ATG7: variants seen among roughly 807,000 people sequenced by gnomAD.
ATG7 encodes autophagy related 7.
In ATG7, 70 loss-of-function variants were observed where a neutral mutation model predicts 82.4. The observed-to-expected ratio is 0.85, with a 90% CI of 0.70 to 1.04. The LOEUF (loss-of-function observed/expected upper bound fraction) is 1.04, where lower values mean the gene tolerates loss of function less well. Ranked by LOEUF, ATG7 falls within the 50% of genes least tolerant of loss-of-function variation. ATG7 has a pLI of 0.00. For synonymous variants in ATG7, 287 were observed against 313.0 expected, an observed-to-expected ratio of 0.92 and a Z score of 0.88; for missense variants, 792 against 864.3, an observed-to-expected ratio of 0.92 and a Z score of 1.05.
Position 11,502,213 on chromosome 3 carries a change from A to T in ATG7, c.2080-52598A>T, listed in dbSNP as rs536900317. Among the ~76,000 whole-genome samples the T allele has an allele frequency of 2.3e-3, 352 of 150,400 alleles. 1 individual carries two copies. The highest frequency in any genetic ancestry group is 8.2e-3 in the African/African-American group (335 of 40,880). On this transcript the variant is annotated intron_variant, in intron 20 of 20. Transcript: ENST00000693202. The stretch of plus-strand genomic sequence containing the variant: ...AGAACGTTAAATTCTTTTTTTTTTT[A>T]ATTTTAATTTATTTTTTATTATTAT...
rs911578572 is a variant in ATG7 at position 11,358,442 on chromosome 3, A to T, written c.1309A>T (p.Ile437Leu). The T allele has an allele frequency of 1.9e-6, 3 of 1,613,344 alleles. No homozygotes were observed. The change falls in exon 15 of 21, where the codon ATA becomes TTA. Residue 437 changes from isoleucine (I) to leucine (L), a missense_variant. Physicochemically the swap from Ile to Leu is conservative, Grantham distance 5 (BLOSUM62 2). Transcript: ENST00000693202. Reference sequence around the variant, plus strand: ...GAATGCCAGAGGATTCAACATGAGCATACCTATGCCTGGGCATCCAGTGAA... The same window carrying T: ...GAATGCCAGAGGATTCAACATGAGCTTACCTATGCCTGGGCATCCAGTGAA... Reference protein sequence around the residue: ...GVNARGFNMSIPMPGHPVNFS... With the variant: ...GVNARGFNMSLPMPGHPVNFS...
chr3:11,472,365 G>A (rs1052006382), intron 20 of ATG7, among the ~76,000 whole-genome samples: 1 of 152,110 alleles, frequency 6.6e-6, no homozygotes, highest in Non-Finnish European at 1.5e-5. Context: ...GAAGGAGAGC[G>A]TTGTTCCCAA....
At chr3:11,524,796 A>C (rs920885474) in intron 20 of ATG7, among the ~76,000 whole-genome samples, 3 of 151,774 alleles carry the variant, frequency 2.0e-5, no homozygotes, top group African/African-American at 7.3e-5. Context: ...TTTAAAACAA[A>C]AACAAAAACA....
chr3:11,516,194 T>C (rs1011111092), intron 20 of ATG7, among the ~76,000 whole-genome samples: 12 of 151,954 alleles, frequency 7.9e-5, no homozygotes, highest in African/African-American at 2.9e-4. Flanking sequence ...AATAAACACA[T>C]GAAAAGATGT....
At chr3:11,559,836 G>C (rs2072810575), downstream of ATG7, among the ~76,000 whole-genome samples, 1 of 152,164 alleles carries the variant, frequency 6.6e-6, no homozygotes, top group East Asian at 1.9e-4. Flanking sequence ...TTCCCATCAT[G>C]TCCACTGAGC....
chr3:11,551,619 AGGGTCTTGCTCTATTGTC>A (rs2071792211), intron 20 of ATG7, among the ~76,000 whole-genome samples: 1 of 151,932 alleles, frequency 6.6e-6, no homozygotes, highest in Admixed American at 6.6e-5. Flanking sequence ...TTATAGAGAG[AGGGTCTTGCTCTATTGTC>A]CAGGCTGGTC....
At chr3:11,321,191 G>T (rs1950169774) in intron 9 of ATG7, among the ~76,000 whole-genome samples, 1 of 152,218 alleles carries the variant, frequency 6.6e-6, no homozygotes, top group Non-Finnish European at 1.5e-5. Flanking sequence ...CTTGGAGGAA[G>T]ATGAAGGAAA....
chr3:11,426,803 G>C lies in ATG7; in HGVS notation c.1957-1G>C. On this transcript the variant is annotated splice_acceptor_variant, in intron 19 of 20. Coordinates refer to ENST00000693202, the MANE Select transcript of ATG7 (RefSeq NM_001349232.2). LOFTEE classifies it high-confidence loss of function. ...TTTTAAAAAATGTAAATGTTTTACAGGTTCTTGATCAATATGAACGAGAAG... is the reference window on the plus strand; with the variant it reads ...TTTTAAAAAATGTAAATGTTTTACACGTTCTTGATCAATATGAACGAGAAG... 1 of 1,574,902 alleles carries C rather than the reference G, an allele frequency of 6.3e-7. No homozygotes were observed. Among genetic ancestry groups the C allele is most frequent in the Non-Finnish European group, 8.6e-7 (1 of 1,165,340 alleles).
At chr3:11,564,688 ACCTC>A in the ATG7 span, 7 of 1,328,028 alleles carry the variant, frequency 5.3e-6, no homozygotes, top group Non-Finnish European at 7.2e-6. Context: ...CTCCCTCACC[ACCTC>A]CCTCCCTCAC....
At chr3:11,418,222 A>C (rs1420096711) in intron 19 of ATG7, among the ~76,000 whole-genome samples, 2 of 150,220 alleles carry the variant, frequency 1.3e-5, no homozygotes, top group East Asian at 3.9e-4. Context: ...CTCCCACCAT[A>C]GTCTCCCAAG....
chr3:11,563,808 C>T, the ATG7 span, among the ~76,000 whole-genome samples: 2 of 152,198 alleles, frequency 1.3e-5, no homozygotes, highest in African/African-American at 4.8e-5. Context: ...CCATGTCAGG[C>T]TCTGAGGCAA....
intron 18 of ATG7, among the ~76,000 whole-genome samples, chr3:11,370,409 T>C (rs1171284856): frequency 6.6e-6 from 1 of 151,172 alleles, no homozygotes; most frequent in African/African-American, 2.4e-5. Context: ...CATTCTGGTG[T>C]GCTTAGGGTT....
intron 20 of ATG7, among the ~76,000 whole-genome samples, chr3:11,466,415 T>G (rs1211104024): frequency 6.6e-6 from 1 of 152,232 alleles, no homozygotes; most frequent in Non-Finnish European, 1.5e-5. Flanking sequence ...GCATGAATAC[T>G]TGCTTGGCAG....
At chr3:11,569,817 G>T in the ATG7 span, among the ~76,000 whole-genome samples, 2 of 152,168 alleles carry the variant, frequency 1.3e-5, no homozygotes, top group Non-Finnish European at 2.9e-5. Context: ...GGAGGTGGAG[G>T]CTACAGTGAG....
At chr3:11,572,552 C>T in the ATG7 span, among the ~76,000 whole-genome samples, 1 of 152,222 alleles carries the variant, frequency 6.6e-6, no homozygotes, top group East Asian at 1.9e-4. Flanking sequence ...CTCTCTTCGT[C>T]CCCTGGGGCA....
intron 19 of ATG7, among the ~76,000 whole-genome samples, chr3:11,381,929 T>C (rs904236176): frequency 2.0e-5 from 3 of 152,252 alleles, no homozygotes; most frequent in Non-Finnish European, 4.4e-5. Flanking sequence ...ATTAATACTT[T>C]AAAATGACAA....
intron 9 of ATG7, among the ~76,000 whole-genome samples, chr3:11,318,436 A>G (rs1949744283): frequency 6.6e-6 from 1 of 152,220 alleles, no homozygotes; most frequent in African/African-American, 2.4e-5. Flanking sequence ...TTGGTCTTCT[A>G]TGCCTTATCT....
intron 1 of ATG7, among the ~76,000 whole-genome samples, chr3:11,273,813 G>C (rs761207524): frequency 2.6e-5 from 4 of 152,080 alleles, no homozygotes; most frequent in Non-Finnish European, 5.9e-5. Context: ...AGGGTTGGTA[G>C]GTGTTTCCGA....
chr3:11,503,231 G>A (rs957759770), intron 20 of ATG7, among the ~76,000 whole-genome samples: 31 of 152,246 alleles, frequency 2.0e-4, no homozygotes, highest in South Asian at 6.2e-4. Context: ...CAGCTTCTGA[G>A]TACCTTCTCC....
Sources: gnomAD v4.1 joint callset for allele counts (sites outside exome capture counted in the v4.1 genomes callset) on GRCh38, gnomAD v4.1.1 for gene constraint, MANE v1.5 for transcripts, NCBI Gene and HGNC (gene_info 2026-07-23, HGNC 2026-07-21) for gene names.